Variants in CPSF6 observed in about 807,000 individuals in gnomAD.
CPSF6 encodes the protein cleavage and polyadenylation specificity factor subunit 6.
CPSF6 carries 10 observed loss-of-function variants against 56.7 expected under a neutral mutation model. The ratio of observed to expected loss-of-function variants is 0.18; its 90% confidence interval spans 0.11 to 0.30. The LOEUF (loss-of-function observed/expected upper bound fraction) is 0.30. CPSF6 is among the 10% of genes least tolerant of loss of function. The probability of loss-of-function intolerance (pLI) is 1.00; values close to 1 mark genes in which losing one functional copy is unlikely to be tolerated. For missense variants in CPSF6, 419 were observed against 722.9 expected (o/e 0.58, Z 4.82); for synonymous variants, 248 against 244.8 (o/e 1.01, Z -0.12).
At chr12:69,261,163 A>G (rs1872726614) in intron 8 of CPSF6, among the ~76,000 whole-genome samples, 1 of 152,230 alleles carries the variant, frequency 6.6e-6, no homozygotes, top group Non-Finnish European at 1.5e-5. Context: ...TGTAAGAGAA[A>G]AGAGCTTGCC....
intron 1 of CPSF6, among the ~76,000 whole-genome samples, chr12:69,242,835 G>A (rs1357854412): frequency 2.0e-5 from 3 of 152,178 alleles, no homozygotes; most frequent in Non-Finnish European, 4.4e-5. Context: ...TAGCGCGAGT[G>A]TGGTGGCTCA....
chr12:69,242,745 A>C (rs568641769), intron 1 of CPSF6, among the ~76,000 whole-genome samples: 1 of 152,350 alleles, frequency 6.6e-6, no homozygotes, highest in African/African-American at 2.4e-5. Context: ...ACTCAAGTGT[A>C]GTAATTACTA....
Position 69,272,924 on chromosome 12 carries a change from T to C in CPSF6, c.*3416T>C, listed in dbSNP as rs1469618043. 1.8e-5 allele frequency: 4 copies of C among 216,260 alleles called. No homozygotes were observed. The East Asian group carries it at 4.8e-4, about 26-fold the overall frequency. 13.4% of individuals were successfully genotyped at this position (216,260 alleles called of 1,614,324 possible). On this transcript the variant is annotated 3_prime_UTR_variant, in exon 10 of 10. Transcript: ENST00000435070. Reference sequence around the variant, plus strand: ...TGCGTTTTTTTAACCTTAACTTCAGTTTAAACACTGGTGTATTTATTTTTT... The same window carrying C: ...TGCGTTTTTTTAACCTTAACTTCAGCTTAAACACTGGTGTATTTATTTTTT...
chr12:69,267,246 T>C (rs1258673083), intron 9 of CPSF6, among the ~76,000 whole-genome samples: 3 of 152,044 alleles, frequency 2.0e-5, no homozygotes, highest in Admixed American at 2.0e-4. Flanking sequence ...TTCTAACAAA[T>C]GTGCATAGAT....
intron 6 of CPSF6, 32 bp downstream of exon 6, chr12:69,259,126 A>G: frequency 6.4e-7 from 1 of 1,562,326 alleles, no homozygotes; most frequent in East Asian, 2.2e-5. Flanking sequence ...AAAGTACTTG[A>G]TGATAAAAGA....
At chr12:69,244,394 T>C (rs1374079863) in intron 1 of CPSF6, among the ~76,000 whole-genome samples, 1 of 152,074 alleles carries the variant, frequency 6.6e-6, no homozygotes, top group Non-Finnish European at 1.5e-5. Context: ...TGCCTAATTA[T>C]TGTATTTTTA....
chr12:69,264,967 T>C (rs1394642080), intron 9 of CPSF6, among the ~76,000 whole-genome samples: 1 of 152,150 alleles, frequency 6.6e-6, no homozygotes, highest in Non-Finnish European at 1.5e-5. Flanking sequence ...TGTATACAAA[T>C]AAAATACTAA....
chr12:69,247,904 T>C (rs1308158375), intron 1 of CPSF6, among the ~76,000 whole-genome samples: 2 of 152,214 alleles, frequency 1.3e-5, no homozygotes, highest in Non-Finnish European at 2.9e-5. Flanking sequence ...AGTTTAAATG[T>C]ATACCATTGG....
intron 9 of CPSF6, among the ~76,000 whole-genome samples, chr12:69,267,401 A>G (rs1051995492): frequency 2.0e-5 from 3 of 151,530 alleles, no homozygotes; most frequent in African/African-American, 7.3e-5. Context: ...TGTAGATTCC[A>G]TTTATCATCT....
chr12:69,242,845 A>G (rs1353294296), intron 1 of CPSF6, among the ~76,000 whole-genome samples: 1 of 152,186 alleles, frequency 6.6e-6, no homozygotes, highest in Non-Finnish European at 1.5e-5. Flanking sequence ...GTGGTGGCTC[A>G]TGCCTGTAAT....
chr12:69,246,628 A>G (rs1303421449), intron 1 of CPSF6, among the ~76,000 whole-genome samples: 1 of 152,222 alleles, frequency 6.6e-6, no homozygotes, highest in Non-Finnish European at 1.5e-5. Flanking sequence ...TTAAAAATGT[A>G]TGCATTAGGT....
At chr12:69,250,060 T>C (rs912414534) in intron 1 of CPSF6, among the ~76,000 whole-genome samples, 1 of 152,224 alleles carries the variant, frequency 6.6e-6, no homozygotes, top group African/African-American at 2.4e-5. Context: ...TAATTTGGAT[T>C]GTTCTACATG....
At chr12:69,248,842 G>A (rs1392557607) in intron 1 of CPSF6, among the ~76,000 whole-genome samples, 1 of 151,974 alleles carries the variant, frequency 6.6e-6, no homozygotes, top group Non-Finnish European at 1.5e-5. Context: ...CTAGTAAATT[G>A]GATAAGTCAT....
intron 3 of CPSF6, among the ~76,000 whole-genome samples, chr12:69,253,505 T>TA (rs1357427805): frequency 3.9e-5 from 6 of 152,198 alleles, no homozygotes; most frequent in Non-Finnish European, 8.8e-5. Flanking sequence ...AATAATGTGT[T>TA]ACATGGATAT....
At chr12:69,260,407 A>G (rs7300266) in intron 8 of CPSF6, among the ~76,000 whole-genome samples, 66,359 of 151,278 alleles carry the variant, frequency 0.44, 14,540 homozygotes, top group African/African-American at 0.45. Context: ...GTAAAGATTG[A>G]GGGACTGTGT....
intron 1 of CPSF6, among the ~76,000 whole-genome samples, chr12:69,241,976 T>C (rs1447811845): frequency 6.6e-6 from 1 of 151,946 alleles, no homozygotes; most frequent in Non-Finnish European, 1.5e-5. Context: ...TCAGAGCTTA[T>C]CTTGTTTTTA....
intron 3 of CPSF6, among the ~76,000 whole-genome samples, chr12:69,254,499 C>T (rs1472488085): frequency 6.6e-6 from 1 of 152,180 alleles, no homozygotes; most frequent in Non-Finnish European, 1.5e-5. Context: ...ACCTTCCTAT[C>T]CTGTTTCCTT....
intron 9 of CPSF6, among the ~76,000 whole-genome samples, chr12:69,263,258 C>T (rs1712588484): frequency 6.6e-6 from 1 of 151,908 alleles, no homozygotes; most frequent in South Asian, 2.1e-4. Flanking sequence ...AAGCCATATA[C>T]CCAAGTTTAG....
Position 69,258,901 on chromosome 12 carries a change from A to C in CPSF6, c.1006A>C (p.Thr336Pro). ...ACCCGGTCCACTTGGGCCACCCCTTACACTAGCTCCTCCTCCGCATCTTCC... is the reference window on the plus strand; with the variant it reads ...ACCCGGTCCACTTGGGCCACCCCTTCCACTAGCTCCTCCTCCGCATCTTCC... ...RPPGPLGPPL[T>P]LAPPPHLPGP... Residue 336 changes from threonine (T) to proline (P), a missense_variant, in exon 6 of 10, where the codon ACA becomes CCA. By Grantham distance (38) the Thr-to-Pro change is conservative (BLOSUM62 -1). Around this residue, in one of 4 missense-constraint regions of CPSF6, gnomAD observed 211 missense variants for 296.0 expected, o/e 0.71. Transcript: ENST00000435070. The surrounding 1 kb of genome is among the most constrained non-coding windows in gnomAD (Gnocchi z 4.2). 1.9e-6 allele frequency: 3 copies of C among 1,613,624 alleles called. 1 individual carries two copies. In the South Asian group the frequency reaches 3.3e-5, roughly 18 times the overall value.
Sources: gnomAD v4.1 joint callset for allele counts (sites outside exome capture counted in the v4.1 genomes callset) on GRCh38, gnomAD v4.1.1 for gene constraint, gnomAD v4.1.1 regional missense constraint, Gnocchi (gnomAD v3.1) non-coding constraint, MANE v1.5 for transcripts, NCBI Gene and HGNC (gene_info 2026-07-23, HGNC 2026-07-21) for gene names.